The following ARHGAP26 variants were observed in gnomAD, a reference collection of about 807,000 sequenced individuals.
The protein encoded by ARHGAP26 is rho GTPase-activating protein 26.
ARHGAP26 carries 38 observed loss-of-function variants against 104.8 expected under a neutral mutation model. The observed-to-expected ratio is 0.36, with a 90% CI of 0.28 to 0.48. The LOEUF is 0.48. Among genes scored for constraint, ARHGAP26 ranks in the 20% least tolerant of loss-of-function variants. The pLI, the probability that ARHGAP26 is intolerant of heterozygous loss-of-function variation, is 0.99. For missense variants in ARHGAP26, 704 were observed against 947.9 expected, an observed-to-expected ratio of 0.74 and a Z score of 3.38; for synonymous variants, 341 against 340.0, an observed-to-expected ratio of 1.00 and a Z score of -0.03.
intron 1 of ARHGAP26, among the ~76,000 whole-genome samples, chr5:142,831,728 TTC>T: frequency 6.6e-6 from 1 of 152,214 alleles, no homozygotes; most frequent in East Asian, 1.9e-4. Context: ...GGTGAAGCCC[TTC>T]TCTTACCACC....
At chr5:142,824,922 C>CT (rs1367235718) in intron 1 of ARHGAP26, among the ~76,000 whole-genome samples, 1 of 152,212 alleles carries the variant, frequency 6.6e-6, no homozygotes, top group African/African-American at 2.4e-5. Context: ...TCCTCTGCTA[C>CT]TACAGGCAGA....
At chr5:142,997,751 A>G (rs1447607355) in intron 11 of ARHGAP26, among the ~76,000 whole-genome samples, 1 of 149,078 alleles carries the variant, frequency 6.7e-6, no homozygotes, top group Non-Finnish European at 1.5e-5. Flanking sequence ...ATTTAGTGCT[A>G]CTTTTTTTTT....
intron 6 of ARHGAP26, among the ~76,000 whole-genome samples, chr5:142,896,945 A>T (rs575543024): frequency 8.4e-4 from 128 of 152,320 alleles, no homozygotes; most frequent in Non-Finnish European, 1.5e-3. Flanking sequence ...AGCAATTATT[A>T]TTTTTTATTT....
intron 22 of ARHGAP26, among the ~76,000 whole-genome samples, chr5:143,215,408 GTCT>G (rs1358693147): frequency 6.6e-6 from 1 of 152,204 alleles, no homozygotes; most frequent in African/African-American, 2.4e-5. Flanking sequence ...ATATGCTTCT[GTCT>G]TCTTTTTGAT....
At chr5:142,798,349 C>G (rs1411646255) in intron 1 of ARHGAP26, among the ~76,000 whole-genome samples, 1 of 152,186 alleles carries the variant, frequency 6.6e-6, no homozygotes, top group Non-Finnish European at 1.5e-5. Flanking sequence ...TGCAGCATTC[C>G]TCCGCTTCCC....
chr5:142,987,697 T>C (rs1192401170), intron 11 of ARHGAP26, among the ~76,000 whole-genome samples: 2 of 152,240 alleles, frequency 1.3e-5, no homozygotes, highest in Non-Finnish European at 2.9e-5. Flanking sequence ...TGAGAGTTTT[T>C]AGCATGAAGA....
chr5:143,035,039 A>G (rs1404396647), intron 12 of ARHGAP26, among the ~76,000 whole-genome samples: 1 of 152,210 alleles, frequency 6.6e-6, no homozygotes, highest in African/African-American at 2.4e-5. Context: ...ATCTCCAGGG[A>G]GAAAAACATT....
At chr5:143,018,933 G>A (rs1025283885) in intron 12 of ARHGAP26, among the ~76,000 whole-genome samples, 4 of 152,288 alleles carry the variant, frequency 2.6e-5, no homozygotes, top group East Asian at 1.9e-4. Flanking sequence ...TGACACCTTT[G>A]TAATATTAAG....
intron 20 of ARHGAP26, chr5:143,193,832 G>A (rs1806351039): frequency 6.6e-6 from 1 of 152,138 alleles, no homozygotes; most frequent in African/African-American, 2.4e-5. Context: ...ATGCTTAAAT[G>A]TATAAATTAA....
At chr5:143,173,630 C>T (rs2151143692) in intron 20 of ARHGAP26, among the ~76,000 whole-genome samples, 1 of 152,264 alleles carries the variant, frequency 6.6e-6, no homozygotes, top group African/African-American at 2.4e-5. Flanking sequence ...CCCATTTTTG[C>T]CGGTAGCAGC....
chr5:142,817,295 T>C (rs981356436), intron 1 of ARHGAP26, among the ~76,000 whole-genome samples: 3 of 151,856 alleles, frequency 2.0e-5, no homozygotes, highest in Admixed American at 6.6e-5. Context: ...AGGAGCAGAG[T>C]TGGCAAGGGA....
chr5:142,884,045 G>T (rs1180850162), intron 4 of ARHGAP26, among the ~76,000 whole-genome samples: 1 of 152,208 alleles, frequency 6.6e-6, no homozygotes, highest in Admixed American at 6.5e-5. Context: ...TGGAGTTGCA[G>T]AAAAACATCC....
At chr5:142,834,276 T>C (rs1188919357) in intron 1 of ARHGAP26, among the ~76,000 whole-genome samples, 2 of 152,228 alleles carry the variant, frequency 1.3e-5, no homozygotes, top group African/African-American at 2.4e-5. Flanking sequence ...GCAATAAAAA[T>C]GATTAGCATC....
At chr5:142,826,027 G>A (rs1238636565) in intron 1 of ARHGAP26, among the ~76,000 whole-genome samples, 1 of 152,206 alleles carries the variant, frequency 6.6e-6, no homozygotes, top group Non-Finnish European at 1.5e-5. Flanking sequence ...CGATTTGCTG[G>A]TTAACCCAGG....
At position 142,903,435 on chromosome 5, in the gene ARHGAP26, A is replaced by G. The variant is rs1760663280; in HGVS notation, c.703-105A>G. The G allele has an allele frequency of 1.2e-5, 15 of 1,298,692 alleles. No homozygotes were observed. In the South Asian group the frequency reaches 2.1e-4, roughly 18 times the overall value. The allele number at this position is 1,298,692 out of a possible 1,614,324, so 80.4% of individuals were successfully genotyped here. On this transcript the variant is annotated intron_variant, in intron 7 of 22. Transcript: ENST00000645722. ...ATTTGGCCAGTTCCTGGAAGGTTGA[A>G]TGTCCTTTATCTCATTTTAGATCTA...
At chr5:142,834,064 G>C (rs1159066425) in intron 1 of ARHGAP26, among the ~76,000 whole-genome samples, 1 of 152,186 alleles carries the variant, frequency 6.6e-6, no homozygotes, top group African/African-American at 2.4e-5. Flanking sequence ...ATTTTGATTA[G>C]TGGACAAAAA....
intron 19 of ARHGAP26, among the ~76,000 whole-genome samples, chr5:143,135,347 C>A (rs986832525): frequency 6.6e-6 from 1 of 152,138 alleles, no homozygotes; most frequent in Admixed American, 6.5e-5. Flanking sequence ...AGTCAGTGCT[C>A]AGTAAATGCT....
At chr5:143,048,828 C>T (rs1297202025) in intron 14 of ARHGAP26, among the ~76,000 whole-genome samples, 5 of 150,324 alleles carry the variant, frequency 3.3e-5, no homozygotes, top group African/African-American at 1.2e-4. Context: ...GCAGGAGAAT[C>T]GCTTGAACGT....
intron 1 of ARHGAP26, chr5:142,771,331 T>G: frequency 8.1e-7 from 1 of 1,232,520 alleles, no homozygotes; most frequent in South Asian, 4.1e-5. Context: ...ACCGTGAGAA[T>G]GGAGCGTGCC....
Sources: gnomAD v4.1 joint callset for allele counts (sites outside exome capture counted in the v4.1 genomes callset) on GRCh38, gnomAD v4.1.1 for gene constraint, MANE v1.5 for transcripts, NCBI Gene and HGNC (gene_info 2026-07-23, HGNC 2026-07-21) for gene names.